The following ARMH4 variants were observed in gnomAD, a reference collection of about 807,000 sequenced individuals.
The protein encoded by ARMH4 is armadillo-like helical domain-containing protein 4.
Under a neutral mutation model 61.9 loss-of-function variants are expected in ARMH4, and 49 were observed. The observed-to-expected ratio is 0.79, with a 90% CI of 0.63 to 1.00. ARMH4 has a LOEUF of 1.00. ARMH4 is among the 50% of genes least tolerant of loss of function. ARMH4 has a pLI of 0.00. For synonymous variants in ARMH4, 368 were observed against 341.5 expected (o/e 1.08, Z -0.85); for missense variants, 934 against 930.0 (o/e 1.00, Z -0.06).
intron 4 of ARMH4, among the ~76,000 whole-genome samples, chr14:58,105,400 A>T (rs1172447828): frequency 3.3e-5 from 5 of 152,192 alleles, no homozygotes; most frequent in Non-Finnish European, 5.9e-5. Flanking sequence ...AAAGGAAACA[A>T]TTGGGCCGGG....
At chr14:58,006,655 C>A (rs1262530080) in intron 6 of ARMH4, among the ~76,000 whole-genome samples, 1 of 151,752 alleles carries the variant, frequency 6.6e-6, no homozygotes, top group East Asian at 1.9e-4. Flanking sequence ...AAAGCCTAGA[C>A]ATTTTTCAAT....
chr14:58,040,918 G>T lies in ARMH4; in HGVS notation c.2090-28768C>A, dbSNP rs139776899. ...CATTTCAAATCAATTTTTGGAAAAA[G>T]AACTCATTCAGAAATGTAAAGTATC... On this transcript the variant is annotated intron_variant, in intron 5 of 7. Transcript: ENST00000267485. 2.6e-4 allele frequency among the ~76,000 whole-genome samples: 40 copies of T among 152,310 alleles called. No homozygotes were observed. In the East Asian group the frequency reaches 7.7e-3, roughly 29 times the overall value.
chr14:58,058,288 G>A (rs1884414313), intron 5 of ARMH4, among the ~76,000 whole-genome samples: 1 of 151,996 alleles, frequency 6.6e-6, no homozygotes, highest in African/African-American at 2.4e-5. Context: ...ATTATTTAGG[G>A]AATAGCAACA....
rs569372707 is a variant in ARMH4, at chr14:58,098,524, G to C, written c.1832-1543C>G. Among the ~76,000 whole-genome samples, 6 of 152,296 alleles carry C rather than the reference G, an allele frequency of 3.9e-5. No individual in the cohort carries two copies. The South Asian group carries it at 8.3e-4, about 21-fold the overall frequency. On this transcript the variant is annotated intron_variant, in intron 4 of 7. Transcript: ENST00000267485. ...CGCCAGGCACTGCTATTTTAGAAAG[G>C]GTGATTAAAGAAAGCTTTTCTGACA...
At chr14:58,114,212 A>T (rs1886446858) in intron 4 of ARMH4, among the ~76,000 whole-genome samples, 1 of 152,202 alleles carries the variant, frequency 6.6e-6, no homozygotes, top group East Asian at 1.9e-4. Flanking sequence ...GTGGGAAGTC[A>T]GGGTGTGATA....
chr14:58,092,585 C>T (rs745823836), intron 5 of ARMH4, among the ~76,000 whole-genome samples: 1 of 152,274 alleles, frequency 6.6e-6, no homozygotes, highest in Non-Finnish European at 1.5e-5. Flanking sequence ...GGCAGGGTTG[C>T]ATTCCTTCCA....
intron 4 of ARMH4, among the ~76,000 whole-genome samples, chr14:58,127,524 C>T (rs766597736): frequency 9.2e-5 from 14 of 152,170 alleles, no homozygotes; most frequent in Non-Finnish European, 1.6e-4. Flanking sequence ...ATTACCCAGT[C>T]TCAGGTATGT....
intron 5 of ARMH4, among the ~76,000 whole-genome samples, chr14:58,086,697 C>A (rs1885394538): frequency 6.6e-6 from 1 of 152,116 alleles, no homozygotes; most frequent in South Asian, 2.1e-4. Flanking sequence ...AACAGTACTC[C>A]ATGCTGTGTG....
chr14:58,128,957 C>T (rs560788312), intron 4 of ARMH4, among the ~76,000 whole-genome samples: 6 of 152,230 alleles, frequency 3.9e-5, no homozygotes, highest in Non-Finnish European at 8.8e-5. Flanking sequence ...CACAGAGACA[C>T]AGACGGCCAT....
In ARMH4 at chr14:58,042,619, T is replaced by C. The variant is rs1046145109; in HGVS notation, c.2090-30469A>G. 2.5e-4 allele frequency among the ~76,000 whole-genome samples: 38 copies of C among 151,958 alleles called. 1 individual carries two copies. The highest frequency in any genetic ancestry group is 1.4e-3 in the Admixed American group (21 of 15,252). On this transcript the variant is annotated intron_variant, in intron 5 of 7. Coordinates refer to ENST00000267485, the MANE Select transcript of ARMH4 (RefSeq NM_001001872.4). ...AAGATCAGAGCAGAACTGAAGGAGA[T>C]AGAGACACAAAAAAACCTTCAAAAA...
intron 4 of ARMH4, among the ~76,000 whole-genome samples, chr14:58,112,286 C>CTTTTTTTTTTTTTTTTTTTTTTTT (rs375451865): frequency 7.5e-6 from 1 of 133,404 alleles, no homozygotes; most frequent in Non-Finnish European, 1.6e-5. Context: ...CTTAATTTTT[C>CTTTTTTTTTTTTTTTTTTTTTTTT]TTTTTTTTTT....
At chr14:58,011,272 TTTAATA>T (rs1426471452) in intron 6 of ARMH4, among the ~76,000 whole-genome samples, 1 of 152,208 alleles carries the variant, frequency 6.6e-6, no homozygotes, top group Non-Finnish European at 1.5e-5. Context: ...TGTTGTATTC[TTTAATA>T]TTAAGCTGTA....
rs935541425 is a variant in ARMH4 at position 58,004,396 on chromosome 14, T to C, written c.*340A>G. The C allele has an allele frequency of 3.4e-5, 6 of 176,922 alleles. No individual in the cohort carries two copies. Among genetic ancestry groups the C allele is most frequent in the African/African-American group, 9.5e-5 (4 of 42,212 alleles). 11.0% of individuals were successfully genotyped at this position (176,922 alleles called of 1,614,324 possible). A position where few individuals can be genotyped will look rare whatever the true frequency, so the allele number is the denominator to read the frequency against. Reference sequence around the variant, plus strand: ...AATCATTATTCTCAATGCAGGTAATTCAAACCAAGGAAAAGACACTGTGGA... The same window carrying C: ...AATCATTATTCTCAATGCAGGTAATCCAAACCAAGGAAAAGACACTGTGGA... On this transcript the variant is annotated 3_prime_UTR_variant, in exon 8 of 8. Coordinates refer to ENST00000267485, the MANE Select transcript of ARMH4 (RefSeq NM_001001872.4).
chr14:58,032,153 C>T (rs1883262523), intron 5 of ARMH4, among the ~76,000 whole-genome samples: 2 of 152,140 alleles, frequency 1.3e-5, no homozygotes, highest in South Asian at 2.1e-4. Flanking sequence ...CTGGGCCCTA[C>T]ACTAGATCTC....
chr14:58,048,125 T>C (rs1435972335), intron 5 of ARMH4, among the ~76,000 whole-genome samples: 17 of 152,198 alleles, frequency 1.1e-4, no homozygotes, highest in Admixed American at 6.5e-4. Context: ...AACTCATACA[T>C]GTTGCCCAAA....
chr14:58,144,676 G>A (rs952675929), intron 1 of ARMH4, among the ~76,000 whole-genome samples: 1 of 152,128 alleles, frequency 6.6e-6, no homozygotes, highest in South Asian at 2.1e-4. Flanking sequence ...GACCATCCTG[G>A]CTAACACGGT....
Position 58,004,620 on chromosome 14 carries a change from T to C in ARMH4, c.*116A>G, listed in dbSNP as rs1024440794. On this transcript the variant is annotated 3_prime_UTR_variant, in exon 8 of 8. Coordinates refer to ENST00000267485, the MANE Select transcript of ARMH4 (RefSeq NM_001001872.4). ...CTACTACCCAGCACCCAGCAGACACTAGGACTAACGGCCTGATAGCAGCAA... is the reference window on the plus strand; with the variant it reads ...CTACTACCCAGCACCCAGCAGACACCAGGACTAACGGCCTGATAGCAGCAA... 5.3e-5 allele frequency: 45 copies of C among 849,202 alleles called. No homozygotes were observed. The highest frequency in any genetic ancestry group is 1.3e-5 in the Non-Finnish European group (7 of 520,732). 52.6% of individuals were successfully genotyped at this position (849,202 alleles called of 1,614,324 possible). A position where few individuals can be genotyped will look rare whatever the true frequency, so the allele number is the denominator to read the frequency against.
At chr14:58,058,311 T>C (rs1422940594) in intron 5 of ARMH4, among the ~76,000 whole-genome samples, 1 of 152,214 alleles carries the variant, frequency 6.6e-6, no homozygotes, top group African/African-American at 2.4e-5. Flanking sequence ...GGGAAAAGTC[T>C]GTACATATTC....
At chr14:58,100,768 C>G (rs1885944970) in intron 4 of ARMH4, among the ~76,000 whole-genome samples, 2 of 152,090 alleles carry the variant, frequency 1.3e-5, no homozygotes, top group Admixed American at 1.3e-4. Context: ...GCCTGTACCC[C>G]CAAGACCAAG....
Sources: gnomAD v4.1 joint callset for allele counts (sites outside exome capture counted in the v4.1 genomes callset) on GRCh38, gnomAD v4.1.1 for gene constraint, MANE v1.5 for transcripts, NCBI Gene and HGNC (gene_info 2026-07-23, HGNC 2026-07-21) for gene names.